Variants in PLPPR1 observed in about 807,000 individuals in gnomAD.
PLPPR1 encodes phospholipid phosphatase related 1, also known as phospholipid phosphatase-related protein type 1.
PLPPR1 carries 10 observed loss-of-function variants against 33.1 expected under a neutral mutation model. The observed-to-expected ratio is 0.30, with a 90% CI of 0.19 to 0.51. The LOEUF (loss-of-function observed/expected upper bound fraction) is 0.51, where lower values mean the gene tolerates loss of function less well. Ranked by LOEUF, PLPPR1 falls within the 20% of genes least tolerant of loss-of-function variation. The probability of loss-of-function intolerance (pLI) is 0.97; values close to 1 mark genes in which losing one functional copy is unlikely to be tolerated. For synonymous variants in PLPPR1, 151 were observed against 151.0 expected, an observed-to-expected ratio of 1.00 and a Z score of 0.00; for missense variants, 304 against 408.1, an observed-to-expected ratio of 0.74 and a Z score of 2.20.
At chr9:101,147,497 G>A (rs994020341) in intron 1 of PLPPR1, among the ~76,000 whole-genome samples, 3 of 152,062 alleles carry the variant, frequency 2.0e-5, no homozygotes, top group Admixed American at 6.6e-5. Flanking sequence ...ATAAAGCATA[G>A]AGACCGATGA....
rs138300328 is a variant in PLPPR1 at position 101,198,369 on chromosome 9, T to C, written c.63+12812T>C. 5.9e-5 allele frequency among the ~76,000 whole-genome samples: 9 copies of C among 152,312 alleles called. No homozygotes were observed. The East Asian group carries it at 1.7e-3, about 29-fold the overall frequency. On this transcript the variant is annotated intron_variant, in intron 2 of 7. Coordinates refer to ENST00000374874, the MANE Select transcript of PLPPR1 (RefSeq NM_207299.2). ...CGTTTCAGATAACGTAACAGGTTCA[T>C]AGAGGTTAAGTAACTTGTCTAAGAT... is the stretch of plus-strand genomic sequence containing the variant.
At chr9:101,254,845 G>A (rs1165852329) in intron 2 of PLPPR1, among the ~76,000 whole-genome samples, 1 of 151,888 alleles carries the variant, frequency 6.6e-6, no homozygotes, top group East Asian at 1.9e-4. Context: ...ACACTGTATT[G>A]ACAACCTTAT....
chr9:101,140,584 G>A (rs925188154), intron 1 of PLPPR1, among the ~76,000 whole-genome samples: 1 of 152,138 alleles, frequency 6.6e-6, no homozygotes, highest in Non-Finnish European at 1.5e-5. Flanking sequence ...TGTTGTGGAA[G>A]ACTAAATAGC....
At position 101,286,153 on chromosome 9, in the gene PLPPR1, C is replaced by T. The variant is rs866615719; in HGVS notation, c.302C>T (p.Ser101Phe). Reference protein sequence around the residue: ...SMYFIKSTRESLIAQEKTILT... With the variant: ...SMYFIKSTREFLIAQEKTILT... ...TATTTCATAAAATCAACAAGAGAAT[C>T]CCTGATTGCTCAGGAGAAAACAATT... is the stretch of plus-strand genomic sequence containing the variant. Residue 101 changes from serine (S) to phenylalanine (F), a missense_variant, in exon 4 of 8, where the codon TCC becomes TTC. Physicochemically the swap from Ser to Phe is radical, Grantham distance 155 (BLOSUM62 -2). Transcript: ENST00000374874. 3 of 1,610,970 alleles carry T rather than the reference C, an allele frequency of 1.9e-6. No homozygotes were observed. Among genetic ancestry groups the T allele is most frequent in the Non-Finnish European group, 2.5e-6 (3 of 1,177,204 alleles).
intron 1 of PLPPR1, among the ~76,000 whole-genome samples, chr9:101,061,283 A>T (rs1830344723): frequency 6.6e-6 from 1 of 151,942 alleles, no homozygotes; most frequent in South Asian, 2.1e-4. Flanking sequence ...ATTTCTAGGC[A>T]GTGTGAGGTG....
At chr9:101,181,628 G>GTGTGTA (rs146536076) in intron 1 of PLPPR1, among the ~76,000 whole-genome samples, 48,059 of 146,210 alleles carry the variant, frequency 0.33, 8,692 homozygotes, top group Non-Finnish European at 0.41. Flanking sequence ...GTGTGTGTGT[G>GTGTGTA]TGTGTATGTG....
At chr9:101,249,127 CA>C (rs2118862404) in intron 2 of PLPPR1, among the ~76,000 whole-genome samples, 1 of 152,194 alleles carries the variant, frequency 6.6e-6, no homozygotes, top group Non-Finnish European at 1.5e-5. Flanking sequence ...TTATCTGTAG[CA>C]AAAGATAGCC....
chr9:101,130,210 G>A (rs559468053), intron 1 of PLPPR1, among the ~76,000 whole-genome samples: 1 of 152,124 alleles, frequency 6.6e-6, no homozygotes, highest in African/African-American at 2.4e-5. Flanking sequence ...AAAAAAATTT[G>A]TACAGAAACT....
chr9:101,258,822 A>G (rs1359632775), intron 2 of PLPPR1, among the ~76,000 whole-genome samples: 1 of 152,178 alleles, frequency 6.6e-6, no homozygotes, highest in South Asian at 2.1e-4. Flanking sequence ...ATTGACTATC[A>G]GAAACTTGCT....
chr9:101,088,047 A>G (rs1830699611), intron 1 of PLPPR1, among the ~76,000 whole-genome samples: 1 of 152,190 alleles, frequency 6.6e-6, no homozygotes, highest in Non-Finnish European at 1.5e-5. Context: ...TCAAGTACAA[A>G]TTAGAAGAGG....
intron 2 of PLPPR1, among the ~76,000 whole-genome samples, chr9:101,193,864 G>A (rs1309145321): frequency 6.6e-6 from 1 of 152,140 alleles, no homozygotes; most frequent in African/African-American, 2.4e-5. Context: ...CTACAAATAT[G>A]TAGGCATAAT....
chr9:101,078,359 C>T (rs998724798), intron 1 of PLPPR1, among the ~76,000 whole-genome samples: 9 of 151,498 alleles, frequency 5.9e-5, no homozygotes, highest in African/African-American at 1.2e-4. Context: ...GGACAGACAA[C>T]GATATTTAAA....
chr9:101,097,064 T>A (rs937678269), intron 1 of PLPPR1, among the ~76,000 whole-genome samples: 10 of 152,154 alleles, frequency 6.6e-5, no homozygotes, highest in Non-Finnish European at 1.3e-4. Flanking sequence ...AAGGACATCA[T>A]CTGAACAGGC....
At chr9:101,072,054 A>G (rs535739937) in intron 1 of PLPPR1, among the ~76,000 whole-genome samples, 1 of 152,290 alleles carries the variant, frequency 6.6e-6, no homozygotes, top group Admixed American at 6.5e-5. Flanking sequence ...TTCAGTATGG[A>G]CAATGGGATA....
intron 4 of PLPPR1, 90 bp downstream of exon 4, chr9:101,286,326 A>AC (rs1437592337): frequency 1.6e-6 from 2 of 1,279,282 alleles, no homozygotes; most frequent in Admixed American, 4.5e-5. Context: ...TGGAAGTATC[A>AC]ACATTAAAAG....
At chr9:101,069,409 G>A (rs780442352) in intron 1 of PLPPR1, among the ~76,000 whole-genome samples, 3 of 152,062 alleles carry the variant, frequency 2.0e-5, no homozygotes, top group Non-Finnish European at 4.4e-5. Flanking sequence ...TGTGTTGCAG[G>A]TCTGTGTCTA....
At chr9:101,123,076 T>C (rs1346123816) in intron 1 of PLPPR1, among the ~76,000 whole-genome samples, 1 of 152,226 alleles carries the variant, frequency 6.6e-6, no homozygotes, top group East Asian at 1.9e-4. Context: ...TCAAGGTCTT[T>C]GTTATAGATG....
rs145766684 is a variant in PLPPR1 at position 101,127,617 on chromosome 9, G to T, written c.-45-57833G>T. On this transcript the variant is annotated intron_variant, in intron 1 of 7. Coordinates refer to ENST00000374874, the MANE Select transcript of PLPPR1 (RefSeq NM_207299.2). ...TGGGAGAGCAAGGAGCAAAGAGCCA[G>T]CAAGTCTAGACACATTCCAGAGCCA... is the stretch of plus-strand genomic sequence containing the variant. Among the ~76,000 whole-genome samples, 756 of 152,298 alleles carry T rather than the reference G, an allele frequency of 5.0e-3. 2 individuals are homozygous for T. Among genetic ancestry groups the T allele is most frequent in the African/African-American group, 0.017 (720 of 41,562 alleles).
intron 1 of PLPPR1, among the ~76,000 whole-genome samples, chr9:101,144,318 C>T (rs902490493): frequency 4.6e-5 from 7 of 151,960 alleles, no homozygotes; most frequent in Non-Finnish European, 1.0e-4. Context: ...ATGTAAATGA[C>T]GAATTAATGG....
Sources: gnomAD v4.1 joint callset for allele counts (sites outside exome capture counted in the v4.1 genomes callset) on GRCh38, gnomAD v4.1.1 for gene constraint, MANE v1.5 for transcripts, NCBI Gene and HGNC (gene_info 2026-07-23, HGNC 2026-07-21) for gene names.